Variants in PRKD2 observed in about 807,000 individuals in gnomAD.
The protein encoded by PRKD2 is serine/threonine-protein kinase D2.
A neutral mutation model predicts 86.0 loss-of-function variants in PRKD2; 22 were observed. That is an observed-to-expected ratio of 0.26 (90% CI 0.18 to 0.37). The LOEUF (loss-of-function observed/expected upper bound fraction) is 0.37, where lower values mean the gene tolerates loss of function less well. PRKD2 is among the 10% of genes least tolerant of loss of function. The pLI, the probability that PRKD2 is intolerant of heterozygous loss-of-function variation, is 1.00. For synonymous variants in PRKD2, 509 were observed against 510.9 expected (o/e 1.00, Z 0.05); for missense variants, 818 against 1,199.2 (o/e 0.68, Z 4.70).
chr19:46,708,308 CTTTTTTTTTTT>C (rs61231695), intron 3 of PRKD2, among the ~76,000 whole-genome samples: 6 of 82,158 alleles, frequency 7.3e-5, no homozygotes, highest in African/African-American at 1.8e-4. Flanking sequence ...GACTGGTGAC[CTTTTTTTTTTT>C]TTTTTTTTTT....
At chr19:46,706,984 C>A (rs796123509) in intron 3 of PRKD2, among the ~76,000 whole-genome samples, 1 of 151,776 alleles carries the variant, frequency 6.6e-6, no homozygotes, top group Non-Finnish European at 1.5e-5. Flanking sequence ...CCTCCACCCC[C>A]TCAGGTTCAA....
At chr19:46,690,793 C>T (rs2053472888) in intron 12 of PRKD2, 87 bp from the exon 13 acceptor site, 3 of 1,231,768 alleles carry the variant, frequency 2.4e-6, no homozygotes, top group Non-Finnish European at 3.5e-6. Context: ...CAACCTCTGC[C>T]CCCCACCATG....
chr19:46,674,390 T>C lies in PRKD2; in HGVS notation c.*133A>G, dbSNP rs542634633. 9.7e-5 allele frequency: 93 copies of C among 955,752 alleles called. No homozygotes were observed. In the South Asian group the frequency reaches 1.5e-3, roughly 15 times the overall value. 59.2% of individuals were successfully genotyped at this position (955,752 alleles called of 1,614,324 possible). On this transcript the variant is annotated 3_prime_UTR_variant, in exon 18 of 18. Coordinates refer to ENST00000291281, the MANE Select transcript of PRKD2 (RefSeq NM_016457.5). ...GGGAAACAGGGAGGGGCCTTGGAAA[T>C]AGCTCCCCCCACCCCACTCCCCACG...
chr19:46,703,992 C>A (rs1410470685), intron 5 of PRKD2, among the ~76,000 whole-genome samples, 177 bp downstream of exon 5: 1 of 150,200 alleles, frequency 6.7e-6, no homozygotes, highest in Non-Finnish European at 1.5e-5. Context: ...CACACACACA[C>A]AACTGAGGTT....
intron 16 of PRKD2, 63 bp from the exon 17 acceptor site, chr19:46,675,181 C>T (rs1423199900): frequency 2.8e-6 from 4 of 1,406,520 alleles, no homozygotes; most frequent in Admixed American, 1.9e-5. Flanking sequence ...CTCCAATAGG[C>T]ACCCCCTAGC....
intron 3 of PRKD2, chr19:46,709,272 C>A: frequency 6.0e-6 from 1 of 166,576 alleles, no homozygotes. Context: ...TGTGCCCAGT[C>A]AAGGTTTGTT....
intron 8 of PRKD2, 37 bp downstream of exon 8, chr19:46,697,696 T>G (rs780962189): frequency 6.3e-6 from 10 of 1,575,164 alleles, no homozygotes; most frequent in Non-Finnish European, 8.7e-6. Context: ...CTTCCAGCCT[T>G]CGCTCCGCCG....
Position 46,677,186 on chromosome 19 carries a change from C to T in PRKD2, c.2338+1210G>A, listed in dbSNP as rs375459727. On this transcript the variant is annotated intron_variant, in intron 16 of 17. Coordinates refer to ENST00000291281, the MANE Select transcript of PRKD2 (RefSeq NM_016457.5). The stretch of plus-strand genomic sequence containing the variant: ...ACCAAGACCTTGTCTTGTCCTGCAC[C>T]GAGCAACCTCCGTGTCACCCTGCTC... 2.1e-4 allele frequency: 32 copies of T among 152,728 alleles called. No individual in the cohort carries two copies. In the South Asian group the frequency reaches 4.0e-3, roughly 19 times the overall value. The allele number at this position is 152,728 out of a possible 1,614,324, so 9.5% of individuals were successfully genotyped here.
chr19:46,703,955 AACAACACAC>A (rs951363687), intron 5 of PRKD2, among the ~76,000 whole-genome samples: 5 of 123,594 alleles, frequency 4.0e-5, no homozygotes, highest in Non-Finnish European at 6.4e-5. Context: ...AAAAAACAAC[AACAACACAC>A]ACACACACAC....
At chr19:46,675,008 G>A (rs1258773266) in intron 17 of PRKD2, 25 bp downstream of exon 17, 1 of 1,580,264 alleles carries the variant, frequency 6.3e-7, no homozygotes, top group Non-Finnish European at 8.6e-7. Flanking sequence ...TCCAGCCAAT[G>A]GGCCAGCCCT....
Position 46,716,046 on chromosome 19 carries a change from C to G in PRKD2, c.240+85G>C, listed in dbSNP as rs564339952. ...AGCTCAGGTCTCCTTCCTCCCTCTTCCGCACACCAGGCCCCAGACCCCTCT... is the reference window on the plus strand; with the variant it reads ...AGCTCAGGTCTCCTTCCTCCCTCTTGCGCACACCAGGCCCCAGACCCCTCT... On this transcript the variant is annotated intron_variant, in intron 1 of 17. Coordinates refer to ENST00000291281, the MANE Select transcript of PRKD2 (RefSeq NM_016457.5). This position sits in a 1 kb window ranked among gnomAD's most constrained non-coding sequence, Gnocchi z 7.9. The G allele has an allele frequency of 6.1e-5, 94 of 1,538,004 alleles. No homozygotes were observed. Among genetic ancestry groups the G allele is most frequent in the Non-Finnish European group, 3.9e-5 (45 of 1,143,792 alleles).
intron 15 of PRKD2, among the ~76,000 whole-genome samples, chr19:46,681,112 C>T (rs534044516): frequency 9.4e-4 from 142 of 150,538 alleles, no homozygotes; most frequent in African/African-American, 3.3e-3. Context: ...CACCACCACG[C>T]CCCGCTAATT....
rs1388281106 is a variant in PRKD2 at position 46,691,935 on chromosome 19, C to T, written c.1627G>A (p.Val543Met). 6.2e-7 allele frequency: 1 copy of T among 1,613,966 alleles called. No homozygotes were observed. The highest frequency in any genetic ancestry group is 2.2e-5 in the East Asian group (1 of 44,880). ...TCAGGTGGGGGCAGGAGTCTCACCA[C>T]ATTCTCTTGGATCTGACTGTTGGAC... Reference protein sequence around the residue: ...SVSNSQIQENVDIATVYQIFP... With the variant: ...SVSNSQIQENMDIATVYQIFP... The change falls in exon 11 of 18, where the codon GTG becomes ATG. Residue 543 changes from valine (V) to methionine (M), a missense_variant and splice_region_variant. Physicochemically the swap from Val to Met is conservative, Grantham distance 21. Around this residue, in one of 5 missense-constraint regions of PRKD2, gnomAD observed 154 missense variants for 359.6 expected, o/e 0.43. Coordinates refer to ENST00000291281, the MANE Select transcript of PRKD2 (RefSeq NM_016457.5).
intron 14 of PRKD2, chr19:46,686,182 A>G (rs899493793): frequency 6.6e-6 from 1 of 152,090 alleles, no homozygotes; most frequent in Non-Finnish European, 1.5e-5. Context: ...CAGAAACCAC[A>G]CAAGGGGATA....
chr19:46,716,823 T>G lies in PRKD2; in HGVS notation c.-453A>C. On this transcript the variant is annotated 5_prime_UTR_variant, in exon 1 of 18. Coordinates refer to ENST00000291281, the MANE Select transcript of PRKD2 (RefSeq NM_016457.5). This position sits in a 1 kb window ranked among gnomAD's most constrained non-coding sequence, Gnocchi z 7.9. ...GGCCCGGGGGAATTCACCTTGGGGGTGGAGGGCAGGAGTCTCTGAGTCGGG... is the reference window on the plus strand; with the variant it reads ...GGCCCGGGGGAATTCACCTTGGGGGGGGAGGGCAGGAGTCTCTGAGTCGGG... 1 of 149,642 alleles carries G rather than the reference T, an allele frequency of 6.7e-6. No homozygotes were observed. Among genetic ancestry groups the G allele is most frequent in the Admixed American group, 6.7e-5 (1 of 14,920 alleles). 9.3% of individuals were successfully genotyped at this position (149,642 alleles called of 1,614,324 possible). A position where few individuals can be genotyped will look rare whatever the true frequency, so the allele number is the denominator to read the frequency against.
intron 14 of PRKD2, chr19:46,686,148 C>G (rs2053393265): frequency 6.6e-6 from 1 of 152,008 alleles, no homozygotes; most frequent in African/African-American, 2.4e-5. Context: ...CAGAAGGAAG[C>G]CTTTCTAGGA....
At chr19:46,705,522 C>T (rs1369429815) in intron 3 of PRKD2, among the ~76,000 whole-genome samples, 1 of 152,178 alleles carries the variant, frequency 6.6e-6, no homozygotes, top group African/African-American at 2.4e-5. Context: ...CATGGTGGCT[C>T]ACGCCTGTAA....
At chr19:46,714,082 C>T (rs2053848577) in intron 1 of PRKD2, 81 bp from the exon 2 acceptor site, 2 of 1,519,602 alleles carry the variant, frequency 1.3e-6, no homozygotes, top group Non-Finnish European at 1.8e-6. Context: ...CCTCCCAGGG[C>T]AGGGCCGGCT....
intron 7 of PRKD2, 128 bp downstream of exon 7, chr19:46,700,671 G>C: frequency 8.0e-7 from 1 of 1,246,610 alleles, no homozygotes; most frequent in South Asian, 1.7e-5. Flanking sequence ...GCTTTAAAAG[G>C]TTTGCCTCAG....
Sources: allele counts gnomAD v4.1 joint callset (sites outside exome capture counted in the v4.1 genomes callset), GRCh38; gene constraint gnomAD v4.1.1; regional missense constraint gnomAD v4.1.1; non-coding constraint Gnocchi (gnomAD v3.1); transcripts MANE v1.5; gene names NCBI Gene and HGNC (gene_info 2026-07-23, HGNC 2026-07-21).